CNTN3: variants seen among roughly 807,000 people sequenced by gnomAD.
The protein encoded by CNTN3 is contactin 3, also known as contactin-3.
CNTN3 carries 60 observed loss-of-function variants against 119.1 expected under a neutral mutation model. The observed-to-expected ratio is 0.50, with a 90% CI of 0.41 to 0.62. CNTN3 has a LOEUF of 0.62. Among genes scored for constraint, CNTN3 ranks in the 20% least tolerant of loss-of-function variants. The probability of loss-of-function intolerance (pLI) is 0.00; values close to 1 mark genes in which losing one functional copy is unlikely to be tolerated. For missense variants in CNTN3, 1,101 were observed against 1,242.4 expected, an observed-to-expected ratio of 0.89 and a Z score of 1.71; for synonymous variants, 450 against 438.7, an observed-to-expected ratio of 1.03 and a Z score of -0.32.
intron 1 of CNTN3, among the ~76,000 whole-genome samples, chr3:74,599,697 T>C (rs747833856): frequency 2.0e-5 from 3 of 152,058 alleles, no homozygotes; most frequent in South Asian, 2.1e-4. Flanking sequence ...CCAAAGCCTC[T>C]GTGGGAAATG....
chr3:74,341,098 C>T (rs13315090), intron 11 of CNTN3, among the ~76,000 whole-genome samples: 55 of 152,254 alleles, frequency 3.6e-4, no homozygotes, highest in African/African-American at 1.3e-3. Flanking sequence ...CATATTGACT[C>T]TCAAAGAATG....
At chr3:74,348,507 T>C (rs1703744461) in intron 11 of CNTN3, among the ~76,000 whole-genome samples, 1 of 152,128 alleles carries the variant, frequency 6.6e-6, no homozygotes, top group African/African-American at 2.4e-5. Flanking sequence ...TCTTAATGCC[T>C]TTAGCTGCCC....
intron 1 of CNTN3, among the ~76,000 whole-genome samples, chr3:74,528,959 TA>T (rs1162726724): frequency 6.6e-6 from 1 of 151,832 alleles, no homozygotes; most frequent in Non-Finnish European, 1.5e-5. Context: ...AAAGACACAG[TA>T]AACCACAAAC....
intron 4 of CNTN3, among the ~76,000 whole-genome samples, chr3:74,466,723 A>G (rs1702467534): frequency 6.6e-6 from 1 of 152,140 alleles, no homozygotes; most frequent in Non-Finnish European, 1.5e-5. Context: ...AACAAATTTA[A>G]TAACTTGAGA....
chr3:74,471,827 T>C (rs1275816090), intron 4 of CNTN3, among the ~76,000 whole-genome samples: 1 of 152,236 alleles, frequency 6.6e-6, no homozygotes, highest in Non-Finnish European at 1.5e-5. Flanking sequence ...TATAGTTATC[T>C]GTCCCAGTTT....
chr3:74,437,004 T>C (rs1701877508), intron 4 of CNTN3, among the ~76,000 whole-genome samples: 1 of 152,228 alleles, frequency 6.6e-6, no homozygotes, highest in Admixed American at 6.5e-5. Context: ...TACTTGTTTA[T>C]GGTATCTATA....
intron 4 of CNTN3, among the ~76,000 whole-genome samples, chr3:74,461,150 A>T (rs1403332924): frequency 6.6e-6 from 1 of 151,886 alleles, no homozygotes; most frequent in East Asian, 1.9e-4. Context: ...TGTTATATTG[A>T]CTGAATTTTC....
chr3:74,381,330 T>C (rs1575674221), intron 5 of CNTN3, among the ~76,000 whole-genome samples: 1 of 152,120 alleles, frequency 6.6e-6, no homozygotes, highest in Non-Finnish European at 1.5e-5. Flanking sequence ...ATAGTGGCTA[T>C]ATAAGTACAT....
chr3:74,295,780 C>T (rs1702326318), intron 18 of CNTN3, among the ~76,000 whole-genome samples: 1 of 152,038 alleles, frequency 6.6e-6, no homozygotes. Flanking sequence ...AGAAGATTCC[C>T]CTTTGTAAAA....
At chr3:74,572,455 T>C (rs1458189017) in intron 1 of CNTN3, among the ~76,000 whole-genome samples, 4 of 150,980 alleles carry the variant, frequency 2.6e-5, no homozygotes, top group African/African-American at 4.9e-5. Context: ...AGAAATACTA[T>C]GCAGAAATTA....
chr3:74,400,480 G>C (rs1011534376), intron 5 of CNTN3, among the ~76,000 whole-genome samples: 2 of 152,090 alleles, frequency 1.3e-5, no homozygotes, highest in Non-Finnish European at 2.9e-5. Flanking sequence ...CCTTTGTAGG[G>C]CTCCAGTGTG....
rs114412976 is a variant in CNTN3 at position 74,504,482 on chromosome 3, A to G, written c.56-4697T>C. On this transcript the variant is annotated intron_variant, in intron 2 of 22. Coordinates refer to ENST00000263665, the MANE Select transcript of CNTN3 (RefSeq NM_020872.3). ...GATGGAAACTTTTTTTAGAAATGAG[A>G]TATCTTCTATTTTGGCAATGGTAGT... is the stretch of plus-strand genomic sequence containing the variant. Among the ~76,000 whole-genome samples the G allele has an allele frequency of 7.2e-3, 1,092 of 152,278 alleles. 11 individuals carry two copies. Among genetic ancestry groups the G allele is most frequent in the African/African-American group, 0.024 (1,012 of 41,576 alleles).
At chr3:74,540,607 T>C (rs568193470) in intron 1 of CNTN3, among the ~76,000 whole-genome samples, 12 of 152,266 alleles carry the variant, frequency 7.9e-5, no homozygotes, top group African/African-American at 2.4e-4. Flanking sequence ...AATTGTCAGA[T>C]GAGGAATTTG....
chr3:74,278,393 C>T (rs1361997420), intron 20 of CNTN3, among the ~76,000 whole-genome samples: 1 of 152,110 alleles, frequency 6.6e-6, no homozygotes, highest in East Asian at 1.9e-4. Context: ...CAGCATGGTA[C>T]TGGTACAAAA....
intron 1 of CNTN3, among the ~76,000 whole-genome samples, chr3:74,579,364 C>G (rs1469263495): frequency 7.4e-6 from 1 of 134,642 alleles, no homozygotes; most frequent in Non-Finnish European, 1.6e-5. Context: ...CCACCCCCCT[C>G]AAAAAAAAAA....
chr3:74,492,583 A>C (rs7651320), intron 3 of CNTN3, among the ~76,000 whole-genome samples: 2 of 151,874 alleles, frequency 1.3e-5, no homozygotes, highest in African/African-American at 2.4e-5. Flanking sequence ...CCTGAATAGA[A>C]AGCATAATAT....
At position 74,298,088 on chromosome 3, in the gene CNTN3, T is replaced by A; in HGVS notation, c.2270A>T (p.Asp757Val). Residue 757 changes from aspartate (D) to valine (V), a missense_variant, in exon 18 of 23, where the codon GAC (aspartate) becomes GTC (valine). Coordinates refer to ENST00000263665, the MANE Select transcript of CNTN3 (RefSeq NM_020872.3). ...TWIQTVVTSP[D>V]TPRYVFRNES... ...ATTCCTAAAGACATATCTTGGGGTG[T>A]CAGGGGATGTCACCACTGTCTGGAT... is the stretch of plus-strand genomic sequence containing the variant. 1 of 1,613,860 alleles carries A rather than the reference T, an allele frequency of 6.2e-7. No individual in the cohort carries two copies. Among genetic ancestry groups the A allele is most frequent in the Non-Finnish European group, 8.5e-7 (1 of 1,179,798 alleles).
intron 5 of CNTN3, among the ~76,000 whole-genome samples, chr3:74,380,321 A>G (rs1704582330): frequency 6.6e-6 from 1 of 152,204 alleles, no homozygotes; most frequent in Non-Finnish European, 1.5e-5. Context: ...CGCTTGATAC[A>G]ATGTGCATTT....
chr3:74,498,889 T>C (rs1285231409), intron 3 of CNTN3, among the ~76,000 whole-genome samples: 1 of 151,792 alleles, frequency 6.6e-6, no homozygotes, highest in Non-Finnish European at 1.5e-5. Flanking sequence ...GAATGCAGCA[T>C]GTAATTTATA....
Sources: allele counts gnomAD v4.1 joint callset (sites outside exome capture counted in the v4.1 genomes callset), GRCh38; gene constraint gnomAD v4.1.1; transcripts MANE v1.5; gene names NCBI Gene and HGNC (gene_info 2026-07-23, HGNC 2026-07-21).